Variants in SLC35F3 observed in about 807,000 individuals in gnomAD.
The protein encoded by SLC35F3 is putative thiamine transporter SLC35F3.
A neutral mutation model predicts 49.9 loss-of-function variants in SLC35F3; 25 were observed. That is an observed-to-expected ratio of 0.50 (90% confidence interval 0.37 to 0.70). SLC35F3 has a LOEUF of 0.70. Ranked by LOEUF, SLC35F3 falls within the 30% of genes least tolerant of loss-of-function variation. The pLI is 0.00. For missense variants in SLC35F3, 525 were observed against 639.8 expected (o/e 0.82, Z 1.94); for synonymous variants, 275 against 265.4 (o/e 1.04, Z -0.35).
chr1:234,239,299 C>T (rs1015146389), intron 3 of SLC35F3, among the ~76,000 whole-genome samples: 1 of 152,122 alleles, frequency 6.6e-6, no homozygotes, highest in Non-Finnish European at 1.5e-5. Flanking sequence ...AGGCGGCATA[C>T]AAAAGTCACA....
intron 3 of SLC35F3, among the ~76,000 whole-genome samples, chr1:234,253,563 G>A (rs1483710309): frequency 6.6e-6 from 1 of 152,060 alleles, no homozygotes; most frequent in Non-Finnish European, 1.5e-5. Context: ...TTAGTAGGAT[G>A]GGAAGAGGGC....
At chr1:234,189,167 A>T (rs547501539) in intron 2 of SLC35F3, among the ~76,000 whole-genome samples, 1 of 152,220 alleles carries the variant, frequency 6.6e-6, no homozygotes, top group East Asian at 1.9e-4. Context: ...ACCTCAAAAA[A>T]GAAAAAGAAA....
At chr1:234,056,269 A>G (rs1664455877) in intron 2 of SLC35F3, among the ~76,000 whole-genome samples, 1 of 151,684 alleles carries the variant, frequency 6.6e-6, no homozygotes, top group South Asian at 2.1e-4. Flanking sequence ...TATAATATTA[A>G]TTAATCTCTG....
chr1:234,163,273 C>G (rs893068664), intron 2 of SLC35F3, among the ~76,000 whole-genome samples: 1 of 152,186 alleles, frequency 6.6e-6, no homozygotes, highest in African/African-American at 2.4e-5. Flanking sequence ...TTCCTTCTCT[C>G]GTAAGTACCC....
Position 234,259,329 on chromosome 1 carries a change from C to T in SLC35F3, c.608+27588C>T, listed in dbSNP as rs146860214. On this transcript the variant is annotated intron_variant, in intron 3 of 7. Transcript: ENST00000366618. ...TCACTATCATTTGACAGCAAGCTAA[C>T]AGCTTCCCACCTCCCATTAGCTAAT... Among the ~76,000 whole-genome samples the T allele has an allele frequency of 8.9e-4, 136 of 152,318 alleles. No individual in the cohort carries two copies. In the South Asian group the frequency reaches 1.0e-2, roughly 11 times the overall value.
intron 2 of SLC35F3, among the ~76,000 whole-genome samples, chr1:234,092,312 T>G (rs1482780732): frequency 6.6e-6 from 1 of 152,214 alleles, no homozygotes; most frequent in Non-Finnish European, 1.5e-5. Flanking sequence ...AGTTGAATGT[T>G]ACTCTATTCT....
chr1:234,172,315 C>A, intron 2 of SLC35F3, among the ~76,000 whole-genome samples: 1 of 152,182 alleles, frequency 6.6e-6, no homozygotes, highest in East Asian at 1.9e-4. Flanking sequence ...CTCACTGCAA[C>A]CTCCACCTCC....
intron 2 of SLC35F3, among the ~76,000 whole-genome samples, chr1:234,020,241 A>C (rs1038855400): frequency 2.0e-5 from 3 of 151,900 alleles, no homozygotes; most frequent in Non-Finnish European, 4.4e-5. Context: ...AATTTTTAGC[A>C]TTTTTTGTTT....
intron 2 of SLC35F3, among the ~76,000 whole-genome samples, chr1:233,987,257 C>G (rs1663281033): frequency 6.6e-6 from 1 of 152,094 alleles, no homozygotes; most frequent in Non-Finnish European, 1.5e-5. Flanking sequence ...CCACTGCACT[C>G]CAGCCTGGGA....
chr1:233,977,831 T>A (rs1663115705), intron 2 of SLC35F3, among the ~76,000 whole-genome samples: 1 of 152,204 alleles, frequency 6.6e-6, no homozygotes, highest in Non-Finnish European at 1.5e-5. Context: ...GCAGGACTTC[T>A]GGCAAAGTAA....
chr1:234,101,580 C>T (rs981967763), intron 2 of SLC35F3, among the ~76,000 whole-genome samples: 1 of 152,188 alleles, frequency 6.6e-6, no homozygotes, highest in Non-Finnish European at 1.5e-5. Flanking sequence ...AGAAAGCATA[C>T]GAAATGGTTC....
intron 2 of SLC35F3, among the ~76,000 whole-genome samples, chr1:233,933,375 G>T (rs1387204418): frequency 2.6e-5 from 4 of 151,680 alleles, no homozygotes; most frequent in Admixed American, 2.6e-4. Flanking sequence ...TAAAGACAGG[G>T]TCTCCCTCTG....
chr1:234,275,583 GTAGA>G (rs1668191756), intron 3 of SLC35F3, among the ~76,000 whole-genome samples: 1 of 150,614 alleles, frequency 6.6e-6, no homozygotes, highest in Non-Finnish European at 1.5e-5. Context: ...AGTTAGGTAG[GTAGA>G]TAGACAGACA....
intron 2 of SLC35F3, among the ~76,000 whole-genome samples, chr1:234,109,023 G>C (rs370347485): frequency 4.6e-5 from 7 of 151,938 alleles, no homozygotes; most frequent in African/African-American, 1.7e-4. Context: ...TCAGGGAGTG[G>C]AGTATTCTAC....
At chr1:233,916,834 G>C (rs1033416494) in intron 2 of SLC35F3, among the ~76,000 whole-genome samples, 2 of 152,214 alleles carry the variant, frequency 1.3e-5, no homozygotes, top group African/African-American at 2.4e-5. Flanking sequence ...CGAGGCTTCA[G>C]AAAATCACTA....
intron 2 of SLC35F3, among the ~76,000 whole-genome samples, chr1:233,935,169 T>C (rs1662302953): frequency 1.4e-5 from 2 of 144,306 alleles, no homozygotes; most frequent in African/African-American, 2.5e-5. Context: ...TTCTTCACAA[T>C]GAGCTGGGTT....
At chr1:234,260,838 G>A (rs1667893626) in intron 3 of SLC35F3, among the ~76,000 whole-genome samples, 1 of 152,244 alleles carries the variant, frequency 6.6e-6, no homozygotes, top group African/African-American at 2.4e-5. Context: ...TTACCCAACA[G>A]CAAGAACAAG....
intron 2 of SLC35F3, among the ~76,000 whole-genome samples, chr1:234,008,985 T>G (rs1014429150): frequency 3.3e-5 from 5 of 152,206 alleles, no homozygotes; most frequent in Non-Finnish European, 5.9e-5. Context: ...GGATATCATA[T>G]CACTCACCTA....
intron 2 of SLC35F3, among the ~76,000 whole-genome samples, chr1:233,923,468 G>A (rs999443687): frequency 1.3e-5 from 2 of 152,160 alleles, no homozygotes; most frequent in African/African-American, 4.8e-5. Flanking sequence ...TGGTGTATAG[G>A]AATTCTTGTG....
Sources: gnomAD v4.1 joint callset for allele counts (sites outside exome capture counted in the v4.1 genomes callset) on GRCh38, gnomAD v4.1.1 for gene constraint, MANE v1.5 for transcripts, NCBI Gene and HGNC (gene_info 2026-07-23, HGNC 2026-07-21) for gene names.